The following PTGER3 variants were observed in gnomAD, a reference collection of about 807,000 sequenced individuals.
PTGER3 encodes the protein prostaglandin E receptor 3, also known as prostaglandin E2 receptor EP3 subtype.
PTGER3 carries 22 observed loss-of-function variants against 34.7 expected under a neutral mutation model. The ratio of observed to expected loss-of-function variants is 0.63; its 90% CI spans 0.45 to 0.91. The LOEUF is 0.91. Ranked by LOEUF, PTGER3 falls within the 40% of genes least tolerant of loss-of-function variation. The pLI is 0.00. For synonymous variants in PTGER3, 241 were observed against 230.1 expected (o/e 1.05, Z -0.43); for missense variants, 468 against 519.4 (o/e 0.90, Z 0.96).
At position 70,962,364 on chromosome 1, in the gene PTGER3, C is replaced by T. The variant is rs72940431; in HGVS notation, c.1078-8575G>A. ...TGTTTGCTATCTCAACAGGACTCTG[C>T]GTGCTTTGATTCTAAATGTAAAATT... is the stretch of plus-strand genomic sequence containing the variant. On this transcript the variant is annotated intron_variant, in intron 2 of 3. Transcript: ENST00000356595. 3.2e-3 allele frequency among the ~76,000 whole-genome samples: 485 copies of T among 151,794 alleles called. 4 individuals carry two copies. Among genetic ancestry groups the T allele is most frequent in the African/African-American group, 0.011 (467 of 41,096 alleles).
intron 2 of PTGER3, chr1:71,007,509 T>C (rs1657076132): frequency 1.0e-6 from 1 of 985,298 alleles, no homozygotes; most frequent in Non-Finnish European, 1.2e-6. Flanking sequence ...ATGCAGTCGG[T>C]CCCTTCCTCT....
At chr1:71,020,518 A>G (rs1162637896) in intron 1 of PTGER3, among the ~76,000 whole-genome samples, 1 of 152,098 alleles carries the variant, frequency 6.6e-6, no homozygotes, top group Non-Finnish European at 1.5e-5. Flanking sequence ...GGAAAATGAA[A>G]GGATTTCATT....
At chr1:71,023,718 T>A (rs995916752) in intron 1 of PTGER3, among the ~76,000 whole-genome samples, 1 of 151,870 alleles carries the variant, frequency 6.6e-6, no homozygotes, top group Non-Finnish European at 1.5e-5. Flanking sequence ...CTTGATTCAT[T>A]TCTCTGTGTG....
At chr1:70,902,415 T>C (rs1277175930) in intron 4 of PTGER3, among the ~76,000 whole-genome samples, 1 of 152,122 alleles carries the variant, frequency 6.6e-6, no homozygotes, top group Non-Finnish European at 1.5e-5. Flanking sequence ...GTAGGTGGTA[T>C]AAAGATGAAT....
At chr1:70,858,325 G>C (rs1418610355) in intron 4 of PTGER3, among the ~76,000 whole-genome samples, 4 of 150,866 alleles carry the variant, frequency 2.7e-5, no homozygotes, top group Non-Finnish European at 5.9e-5. Context: ...TTAAACTTCA[G>C]TTCCTAAATG....
intron 1 of PTGER3, among the ~76,000 whole-genome samples, chr1:71,035,904 CT>C (rs34291922): frequency 4.6e-5 from 7 of 152,132 alleles, no homozygotes; most frequent in Non-Finnish European, 1.0e-4. Flanking sequence ...CATAAATGAC[CT>C]TTTTCCCAGA....
intron 4 of PTGER3, among the ~76,000 whole-genome samples, chr1:70,860,772 AAG>A (rs1298762062): frequency 6.6e-6 from 1 of 152,176 alleles, no homozygotes; most frequent in Non-Finnish European, 1.5e-5. Context: ...AAGACCATGA[AAG>A]AGAACAGAGA....
chr1:70,887,497 T>G (rs1429449456), intron 4 of PTGER3, among the ~76,000 whole-genome samples: 1 of 152,188 alleles, frequency 6.6e-6, no homozygotes, highest in East Asian at 1.9e-4. Flanking sequence ...TGAGGAAGGC[T>G]CAGGTTTCTA....
chr1:70,865,841 G>T (rs1411980527), intron 4 of PTGER3: 1 of 1,337,120 alleles, frequency 7.5e-7, no homozygotes, highest in Non-Finnish European at 1.0e-6. Flanking sequence ...AGCCTGAAGA[G>T]AAGAGCAGAG....
chr1:70,962,710 C>A (rs1441802060), intron 2 of PTGER3, among the ~76,000 whole-genome samples: 1 of 152,172 alleles, frequency 6.6e-6, no homozygotes, highest in African/African-American at 2.4e-5. Flanking sequence ...ATTACCTCCC[C>A]TCAGGTCCCT....
intron 1 of PTGER3, among the ~76,000 whole-genome samples, chr1:71,020,755 T>G: frequency 6.6e-6 from 1 of 150,400 alleles, no homozygotes; most frequent in East Asian, 1.9e-4. Flanking sequence ...GGTATTTTTA[T>G]TAAAAGAAAT....
intron 2 of PTGER3, among the ~76,000 whole-genome samples, chr1:70,958,790 G>A (rs1258377254): frequency 6.6e-6 from 1 of 152,084 alleles, no homozygotes; most frequent in Non-Finnish European, 1.5e-5. Context: ...ATCTTTTGCT[G>A]TAGTAGTTTC....
intron 2 of PTGER3, among the ~76,000 whole-genome samples, chr1:70,976,198 G>A (rs958162859): frequency 6.6e-6 from 1 of 152,036 alleles, no homozygotes; most frequent in Non-Finnish European, 1.5e-5. Flanking sequence ...TTTCCCTAGT[G>A]GCACTGTCTG....
downstream of PTGER3, among the ~76,000 whole-genome samples, chr1:70,968,828 CA>C (rs551110615): frequency 1.5e-3 from 230 of 151,686 alleles, 1 homozygote; most frequent in African/African-American, 5.4e-3. Flanking sequence ...GTATCTTTGC[CA>C]AATAGTCATT....
intron 1 of PTGER3, among the ~76,000 whole-genome samples, chr1:71,031,898 G>A (rs2817862): frequency 0.016 from 2,508 of 152,270 alleles, 81 homozygotes; most frequent in African/African-American, 0.058. Context: ...ATTAGAAATA[G>A]ATGCTAGAGA....
rs535110398 is a variant in PTGER3 at position 70,912,880 on chromosome 1, C to T, written c.*23+40883G>A. Among the ~76,000 whole-genome samples the T allele has an allele frequency of 4.6e-5, 7 of 152,026 alleles. No individual in the cohort carries two copies. In the South Asian group the frequency reaches 1.5e-3, roughly 32 times the overall value. On this transcript the variant is annotated intron_variant, in intron 4 of 4. Transcript: ENST00000370931. ...TATGTCTATCTTTATATCAGTATTA[C>T]AATGCTTTTTATTTAACTTTAGCTT... is the stretch of plus-strand genomic sequence containing the variant.
chr1:70,943,011 A>G (rs990007520), intron 4 of PTGER3, among the ~76,000 whole-genome samples: 11 of 152,136 alleles, frequency 7.2e-5, no homozygotes, highest in African/African-American at 2.7e-4. Context: ...TAGTAAACTA[A>G]TATACCCCTT....
rs148686383 is a variant in PTGER3, at chr1:70,867,800, C to T, written c.*24-14941G>A. On this transcript the variant is annotated intron_variant, in intron 4 of 4. Transcript: ENST00000370931. ...ATACATCCACAAGGCCAGGCTAGAT[C>T]TTAAGGAAGCTCTCCTACTTGGAGT... 6.6e-5 allele frequency among the ~76,000 whole-genome samples: 10 copies of T among 152,172 alleles called. No homozygotes were observed. The East Asian group carries it at 1.7e-3, about 26-fold the overall frequency.
intron 4 of PTGER3, among the ~76,000 whole-genome samples, chr1:70,860,886 G>A (rs1034478204): frequency 3.3e-5 from 5 of 152,198 alleles, no homozygotes; most frequent in Non-Finnish European, 5.9e-5. Flanking sequence ...GTTGGGTCCT[G>A]TAGCTAAGGA....
Sources: allele counts gnomAD v4.1 joint callset (sites outside exome capture counted in the v4.1 genomes callset), GRCh38; gene constraint gnomAD v4.1.1; transcripts MANE v1.5; gene names NCBI Gene and HGNC (gene_info 2026-07-23, HGNC 2026-07-21).